The following LYRM4 variants were observed in gnomAD, a reference collection of about 807,000 sequenced individuals.
The protein encoded by LYRM4 is LYR motif containing 4, also known as LYR motif-containing protein 4.
A neutral mutation model predicts 11.7 loss-of-function variants in LYRM4; 9 were observed. That is an observed-to-expected ratio of 0.77 (90% CI 0.46 to 1.34). LYRM4 has a LOEUF of 1.34. Among genes scored for constraint, LYRM4 ranks in the 40% most tolerant of loss-of-function variants. The pLI, the probability that LYRM4 is intolerant of heterozygous loss-of-function variation, is 0.00. For synonymous variants in LYRM4, 42 were observed against 40.4 expected (o/e 1.04, Z -0.15); for missense variants, 133 against 112.5 (o/e 1.18, Z -0.82).
intron 2 of LYRM4, among the ~76,000 whole-genome samples, chr6:5,211,497 T>G (rs1342517236): frequency 6.6e-6 from 1 of 152,216 alleles, no homozygotes; most frequent in African/African-American, 2.4e-5. Context: ...CACACTTACA[T>G]TAACAAAAAT....
At chr6:5,076,331 T>C in the LYRM4 span, among the ~76,000 whole-genome samples, 1 of 152,274 alleles carries the variant, frequency 6.6e-6, no homozygotes, top group Non-Finnish European at 1.5e-5. Flanking sequence ...GTAACTTGCA[T>C]GTGACTGGAA....
chr6:5,116,554 G>A (rs1307802019), intron 2 of LYRM4, among the ~76,000 whole-genome samples: 1 of 152,220 alleles, frequency 6.6e-6, no homozygotes, highest in African/African-American at 2.4e-5. Context: ...CCAAGCTGCA[G>A]GTGTGAGGGT....
chr6:5,035,403 A>G, the LYRM4 span, among the ~76,000 whole-genome samples: 1 of 151,198 alleles, frequency 6.6e-6, no homozygotes, highest in African/African-American at 2.4e-5. Flanking sequence ...GGGCAGCTGA[A>G]AATCTTTTCT....
At chr6:5,065,847 G>T in the LYRM4 span, 1 of 292,190 alleles carries the variant, frequency 3.4e-6, no homozygotes, top group South Asian at 7.5e-5. Context: ...ACAATCTTTG[G>T]AACACTATAG....
chr6:5,113,905 A>G (rs1763001219), intron 2 of LYRM4, among the ~76,000 whole-genome samples: 1 of 152,208 alleles, frequency 6.6e-6, no homozygotes, highest in Non-Finnish European at 1.5e-5. Flanking sequence ...ACACATCACT[A>G]TAACTATGAG....
At chr6:5,160,761 G>C (rs1219996770) in intron 2 of LYRM4, among the ~76,000 whole-genome samples, 1 of 152,122 alleles carries the variant, frequency 6.6e-6, no homozygotes, top group Non-Finnish European at 1.5e-5. Context: ...ACACCAGGTA[G>C]GGTGGAAAGG....
intron 2 of LYRM4, among the ~76,000 whole-genome samples, chr6:5,154,658 C>T (rs529966509): frequency 1.3e-5 from 2 of 152,154 alleles, no homozygotes; most frequent in Non-Finnish European, 2.9e-5. Context: ...GTACTAAAAA[C>T]ACACAAAAGA....
chr6:5,260,222 C>T (rs1764946680), intron 1 of LYRM4, among the ~76,000 whole-genome samples: 1 of 152,188 alleles, frequency 6.6e-6, no homozygotes, highest in Non-Finnish European at 1.5e-5. Flanking sequence ...GTGCCTTCAG[C>T]TTTGTCGCAG....
chr6:5,033,307 G>GCTAA, the LYRM4 span: 1 of 152,026 alleles, frequency 6.6e-6, no homozygotes, highest in Admixed American at 6.6e-5. Flanking sequence ...GAATCTTTAT[G>GCTAA]CTAGACATGA....
the LYRM4 span, among the ~76,000 whole-genome samples, chr6:5,090,232 C>G: frequency 6.6e-6 from 1 of 152,200 alleles, no homozygotes; most frequent in African/African-American, 2.4e-5. The surrounding 1 kb of genome is among the most constrained non-coding windows in gnomAD (Gnocchi z 4.8). Flanking sequence ...GAGAGGGAGT[C>G]TAGTTTCTTC....
chr6:5,220,268 C>T (rs1215796481), intron 1 of LYRM4, among the ~76,000 whole-genome samples: 1 of 152,208 alleles, frequency 6.6e-6, no homozygotes, highest in African/African-American at 2.4e-5. Flanking sequence ...ACACCAAATG[C>T]AGCCATAATC....
chr6:5,145,674 C>T (rs1413042243), intron 2 of LYRM4, among the ~76,000 whole-genome samples: 3 of 152,160 alleles, frequency 2.0e-5, no homozygotes, highest in East Asian at 1.9e-4. Flanking sequence ...TTCCTATTTT[C>T]GATCCTCATG....
At position 5,109,229 on chromosome 6, in the gene LYRM4, T is replaced by G. The variant is rs1341809071; in HGVS notation, c.*194A>C. 7.0e-7 allele frequency: 1 copy of G among 1,438,216 alleles called. No homozygotes were observed. Among genetic ancestry groups the G allele is most frequent in the Non-Finnish European group, 9.1e-7 (1 of 1,095,464 alleles). The allele number at this position is 1,438,216 out of a possible 1,614,324, so 89.1% of individuals were successfully genotyped here. A position where few individuals can be genotyped will look rare whatever the true frequency, so the allele number is the denominator to read the frequency against. On this transcript the variant is annotated 3_prime_UTR_variant, in exon 3 of 3. Transcript: ENST00000330636. ...GAACTCCAGCTCTCCATTCTAACAC[T>G]TGAACCAAGGAAAGACAGCAGTCCT...
the LYRM4 span, chr6:5,088,042 T>C: frequency 2.0e-5 from 3 of 152,202 alleles, no homozygotes; most frequent in East Asian, 5.8e-4. Flanking sequence ...AGCTTATTCT[T>C]GTAGGGCCTG....
the LYRM4 span, among the ~76,000 whole-genome samples, chr6:5,093,300 G>T: frequency 6.6e-6 from 1 of 152,222 alleles, no homozygotes; most frequent in Non-Finnish European, 1.5e-5. Context: ...ATGCCTTTGA[G>T]ATGTATTGTA....
the LYRM4 span, chr6:5,032,958 A>G: frequency 2.0e-5 from 3 of 152,680 alleles, no homozygotes; most frequent in African/African-American, 7.2e-5. Flanking sequence ...CTCTTCTGAA[A>G]TGTGGGAATT....
At chr6:5,224,408 G>C (rs1433731870) in intron 1 of LYRM4, among the ~76,000 whole-genome samples, 1 of 152,176 alleles carries the variant, frequency 6.6e-6, no homozygotes, top group African/African-American at 2.4e-5. Flanking sequence ...CAAAGGGACA[G>C]GTACACCCTG....
intron 2 of LYRM4, among the ~76,000 whole-genome samples, chr6:5,153,328 T>C (rs1758201977): frequency 6.6e-6 from 1 of 152,146 alleles, no homozygotes; most frequent in African/African-American, 2.4e-5. Flanking sequence ...TGACCTCAAG[T>C]GACCCGCCCA....
chr6:5,189,653 AT>A (rs1175549573), intron 2 of LYRM4, among the ~76,000 whole-genome samples: 8 of 152,190 alleles, frequency 5.3e-5, no homozygotes, highest in Admixed American at 2.6e-4. Context: ...TAATAACTCC[AT>A]TTTGTCGATG....
Sources: gnomAD v4.1 joint callset for allele counts (sites outside exome capture counted in the v4.1 genomes callset) on GRCh38, gnomAD v4.1.1 for gene constraint, Gnocchi (gnomAD v3.1) non-coding constraint, MANE v1.5 for transcripts, NCBI Gene and HGNC (gene_info 2026-07-23, HGNC 2026-07-21) for gene names.